PAK4: variants seen among roughly 807,000 people sequenced by gnomAD.
The protein encoded by PAK4 is serine/threonine-protein kinase PAK 4.
PAK4 carries 49 observed loss-of-function variants against 53.5 expected under a neutral mutation model. The ratio of observed to expected loss-of-function variants is 0.92; its 90% CI spans 0.73 to 1.16. The LOEUF (loss-of-function observed/expected upper bound fraction) is 1.16, where lower values mean the gene tolerates loss of function less well. Among genes scored for constraint, PAK4 ranks in the 50% most tolerant of loss-of-function variants. PAK4 has a pLI of 0.00. For synonymous variants in PAK4, 376 were observed against 375.6 expected (o/e 1.00, Z -0.01); for missense variants, 824 against 850.7 (o/e 0.97, Z 0.39).
chr19:39,169,567 G>C lies in PAK4; in HGVS notation c.14G>C (p.Arg5Thr), dbSNP rs1458237744. 3.7e-6 allele frequency: 6 copies of C among 1,613,172 alleles called. No individual in the cohort carries two copies. Among genetic ancestry groups the C allele is most frequent in the Non-Finnish European group, 5.1e-6 (6 of 1,179,430 alleles). ...GTCCCCGGCACCATGTTTGGGAAGA[G>C]GAAGAAGCGGGTGGAGATCTCCGCG... is the stretch of plus-strand genomic sequence containing the variant. The change falls in exon 2 of 9, where the codon AGG becomes ACG. Residue 5 changes from arginine to threonine, a missense_variant. Transcript: ENST00000358301.
intron 1 of PAK4, among the ~76,000 whole-genome samples, chr19:39,130,657 A>C (rs1006624951): frequency 1.3e-4 from 20 of 151,886 alleles, no homozygotes; most frequent in African/African-American, 4.1e-4. Flanking sequence ...AATACATAAA[A>C]TATAAAATAA....
intron 1 of PAK4, among the ~76,000 whole-genome samples, chr19:39,148,466 C>CTTTGTTTTTTTTT (rs2074039775): frequency 1.8e-5 from 1 of 56,786 alleles, no homozygotes; most frequent in African/African-American, 7.6e-5. Context: ...GTTTCTTCTG[C>CTTTGTTTTTTTTT]TTTTTTTTTT....
Position 39,173,274 on chromosome 19 carries a change from C to T in PAK4, c.561C>T (p.Thr187=), listed in dbSNP as rs371641844. The T allele has an allele frequency of 3.7e-6, 6 of 1,602,834 alleles. No individual in the cohort carries two copies. Among genetic ancestry groups the T allele is most frequent in the South Asian group, 3.4e-5 (3 of 89,150 alleles). Residue 187 remains threonine, a synonymous_variant, in exon 3 of 9, where the codon ACC becomes ACT. Coordinates refer to ENST00000358301, the Ensembl canonical transcript of PAK4. This position sits in a 1 kb window ranked among gnomAD's most constrained non-coding sequence, Gnocchi z 6.9. ...CCCTCTCCGGGCCTGATGTCGGCAC[C>T]CCCCAGCCTGCTGGTCTGGCCAGTG...
Position 39,178,096 on chromosome 19 carries a change from AC to A in PAK4, c.1620+289del, listed in dbSNP as rs2074645636. Among the ~76,000 whole-genome samples, 1 of 152,048 alleles carries A rather than the reference AC, an allele frequency of 6.6e-6. No individual in the cohort carries two copies. The highest frequency in any genetic ancestry group is 2.1e-4 in the South Asian group (1 of 4,828). On this transcript the variant is annotated intron_variant, in intron 8 of 8. Coordinates refer to ENST00000358301, the Ensembl canonical transcript of PAK4. The surrounding 1 kb of genome is among the most constrained non-coding windows in gnomAD (Gnocchi z 4.4). The stretch of plus-strand genomic sequence containing the variant: ...TTTAGAAGTGGAGGACAGGGCCGGG[AC>A]CTTCCTAGTGGAGGACTTGCCAGGA...
In PAK4 at chr19:39,178,023, C is replaced by T. The variant is rs1288689056; in HGVS notation, c.1620+214C>T. ...GCAGCAGAGCCACAGGCCCTCTGCA[C>T]CCTCACCATTGCCCTGGGCCCCACC... On this transcript the variant is annotated intron_variant, in intron 8 of 8. Coordinates refer to ENST00000358301, the Ensembl canonical transcript of PAK4. This position sits in a 1 kb window ranked among gnomAD's most constrained non-coding sequence, Gnocchi z 4.4. Among the ~76,000 whole-genome samples, 3 of 152,090 alleles carry T rather than the reference C, an allele frequency of 2.0e-5. No individual in the cohort carries two copies. Among genetic ancestry groups the T allele is most frequent in the African/African-American group, 7.2e-5 (3 of 41,410 alleles).
intron 1 of PAK4, among the ~76,000 whole-genome samples, chr19:39,163,932 G>A (rs2074325902): frequency 6.6e-6 from 1 of 152,214 alleles, no homozygotes; most frequent in African/African-American, 2.4e-5. Context: ...ACAGAGGACA[G>A]TCCCTGCCCT....
intron 1 of PAK4, among the ~76,000 whole-genome samples, chr19:39,139,846 C>T (rs1842992300): frequency 6.6e-6 from 1 of 152,064 alleles, no homozygotes; most frequent in South Asian, 2.1e-4. Context: ...CCCCTGGCGA[C>T]TCTGACATGC....
chr19:39,172,221 AG>A (rs2074494155), intron 2 of PAK4, among the ~76,000 whole-genome samples: 1 of 21,120 alleles, frequency 4.7e-5, no homozygotes, highest in African/African-American at 1.7e-4. Context: ...CCCTGGGCGC[AG>A]GGGGGCGGGG....
At chr19:39,132,448 C>T (rs1008586677) in intron 1 of PAK4, among the ~76,000 whole-genome samples, 3 of 152,232 alleles carry the variant, frequency 2.0e-5, no homozygotes, top group African/African-American at 7.2e-5. Context: ...ATGGAGCGGA[C>T]TTCCCATGTT....
At chr19:39,148,466 C>CTTTTTTTTTGTTTTTTTTTTTTTTTT (rs2074040156) in intron 1 of PAK4, among the ~76,000 whole-genome samples, 1 of 56,786 alleles carries the variant, frequency 1.8e-5, no homozygotes, top group Non-Finnish European at 2.9e-5. Flanking sequence ...GTTTCTTCTG[C>CTTTTTTTTTGTTTTTTTTTTTTTTTT]TTTTTTTTTT....
intron 7 of PAK4, 34 bp downstream of exon 8, chr19:39,176,749 G>A: frequency 6.2e-7 from 1 of 1,601,458 alleles, no homozygotes; most frequent in Non-Finnish European, 8.5e-7. Context: ...GTCCCGCCGT[G>A]GACAGCGTAC....
At chr19:39,172,988 T>C (rs780838667) in exon 3 of PAK4, 1 of 1,550,224 alleles carries the variant, frequency 6.5e-7, no homozygotes, top group Non-Finnish European at 8.7e-7. Flanking sequence ...TTTGAGAACA[T>C]GTCGGTGACA....
chr19:39,133,379 G>C (rs1568496222), intron 1 of PAK4, among the ~76,000 whole-genome samples: 1 of 152,208 alleles, frequency 6.6e-6, no homozygotes, highest in Non-Finnish European at 1.5e-5. Flanking sequence ...CTGTTTGAGT[G>C]CTTTCTGTGA....
intron 4 of PAK4, 28 bp downstream of exon 5, chr19:39,174,038 G>GCCGCCCTA: frequency 6.8e-7 from 1 of 1,460,316 alleles, no homozygotes; most frequent in Non-Finnish European, 9.2e-7. Context: ...CTGCCGCCCT[G>GCCGCCCTA]CTGGTCCTCC....
Position 39,173,460 on chromosome 19 carries a change from G to A in PAK4, c.663+84G>A, listed in dbSNP as rs377151282. The A allele has an allele frequency of 7.1e-5, 92 of 1,293,926 alleles. 1 individual carries two copies. Among genetic ancestry groups the A allele is most frequent in the East Asian group, 4.6e-4 (18 of 38,918 alleles). 80.2% of individuals were successfully genotyped at this position (1,293,926 alleles called of 1,614,324 possible). On this transcript the variant is annotated intron_variant, in intron 3 of 8. Transcript: ENST00000358301. The surrounding 1 kb of genome is among the most constrained non-coding windows in gnomAD (Gnocchi z 6.9). ...CACCTTCCAGCCCCGCCCCACCACC[G>A]TGCATCTCATCCTGACCACCCATGT...
chr19:39,168,412 C>A (rs963024831), intron 1 of PAK4, 110 bp downstream of exon 2: 1 of 152,230 alleles, frequency 6.6e-6, no homozygotes, highest in Admixed American at 6.5e-5. Flanking sequence ...GTGGGAGCCG[C>A]CCCAGCCATC....
chr19:39,163,200 A>G (rs998005424), intron 1 of PAK4, among the ~76,000 whole-genome samples: 4 of 152,218 alleles, frequency 2.6e-5, no homozygotes, highest in South Asian at 4.2e-4. Context: ...GTGGGACCCA[A>G]TGGTGGAAGG....
At chr19:39,159,511 A>G (rs979783760) in intron 1 of PAK4, among the ~76,000 whole-genome samples, 10 of 152,078 alleles carry the variant, frequency 6.6e-5, no homozygotes, top group Non-Finnish European at 1.2e-4. Flanking sequence ...TCAGCCTCCC[A>G]AGTAGCTGGG....
At chr19:39,157,522 C>G (rs552430588) in intron 1 of PAK4, among the ~76,000 whole-genome samples, 3 of 152,310 alleles carry the variant, frequency 2.0e-5, no homozygotes, top group African/African-American at 7.2e-5. Context: ...TACTCTGAGC[C>G]AGGCTGGCTT....
Sources: allele counts gnomAD v4.1 joint callset (sites outside exome capture counted in the v4.1 genomes callset), GRCh38; gene constraint gnomAD v4.1.1; non-coding constraint Gnocchi (gnomAD v3.1); transcripts MANE v1.5; gene names NCBI Gene and HGNC (gene_info 2026-07-23, HGNC 2026-07-21).